Variants in NCOA6 observed in about 807,000 individuals in gnomAD.
NCOA6 encodes NRC RAP250.
NCOA6 carries 49 observed loss-of-function variants against 171.4 expected under a neutral mutation model. The ratio of observed to expected loss-of-function variants is 0.29; its 90% CI spans 0.23 to 0.36. The LOEUF is 0.36. NCOA6 is among the 10% of genes least tolerant of loss of function. NCOA6 has a pLI of 1.00. For missense variants in NCOA6, 2,248 were observed against 2,554.5 expected (o/e 0.88, Z 2.59); for synonymous variants, 910 against 927.5 (o/e 0.98, Z 0.34).
intron 8 of NCOA6, among the ~76,000 whole-genome samples, chr20:34,751,888 TTTTG>T (rs1165623599): frequency 1.3e-5 from 2 of 152,224 alleles, no homozygotes. Context: ...TTTTTTGTTG[TTTTG>T]TTTTTGAGAC....
intron 1 of NCOA6, among the ~76,000 whole-genome samples, chr20:34,802,895 G>A (rs2078303355): frequency 6.6e-6 from 1 of 152,036 alleles, no homozygotes; most frequent in Non-Finnish European, 1.5e-5. Flanking sequence ...GCTCAATGCA[G>A]CCAAGTGATC....
At chr20:34,812,596 C>T (rs886712626) in intron 1 of NCOA6, among the ~76,000 whole-genome samples, 5 of 151,756 alleles carry the variant, frequency 3.3e-5, no homozygotes, top group Admixed American at 2.0e-4. Flanking sequence ...TATTATAAAC[C>T]GTAAGTCAGA....
intron 14 of NCOA6, among the ~76,000 whole-genome samples, chr20:34,722,684 GA>G (rs112692497): frequency 0.16 from 14,821 of 90,500 alleles, 765 homozygotes; most frequent in African/African-American, 0.2. Flanking sequence ...TGTCTCAAAT[GA>G]AAAAAAAAAA....
intron 1 of NCOA6, among the ~76,000 whole-genome samples, chr20:34,810,412 G>C (rs1048271895): frequency 6.6e-6 from 1 of 152,104 alleles, no homozygotes; most frequent in African/African-American, 2.4e-5. Flanking sequence ...AGTATTACAA[G>C]TGAGAACTGC....
chr20:34,722,371 A>C (rs1600725950), intron 14 of NCOA6, among the ~76,000 whole-genome samples: 1 of 151,590 alleles, frequency 6.6e-6, no homozygotes, highest in Non-Finnish European at 1.5e-5. Flanking sequence ...ATGGAGTGAG[A>C]CTCCGTCTAA....
chr20:34,776,526 A>G, intron 3 of NCOA6, 78 bp from the exon 4 acceptor site: 1 of 1,499,026 alleles, frequency 6.7e-7, no homozygotes, highest in Non-Finnish European at 9.2e-7. Flanking sequence ...ACAAACCAAA[A>G]GAGCAAAAGA....
At chr20:34,768,418 A>G in intron 5 of NCOA6, 46 bp downstream of exon 5, 1 of 1,608,278 alleles carries the variant, frequency 6.2e-7, no homozygotes, top group Non-Finnish European at 8.5e-7. Flanking sequence ...AATAAGCCAA[A>G]AAAGGAAACT....
chr20:34,774,535 G>A (rs1464752116), intron 4 of NCOA6, among the ~76,000 whole-genome samples: 1 of 152,210 alleles, frequency 6.6e-6, no homozygotes, highest in Non-Finnish European at 1.5e-5. Context: ...ATGCTAGACT[G>A]CATAAAATGT....
chr20:34,790,258 A>G (rs2077828104), intron 2 of NCOA6, among the ~76,000 whole-genome samples: 1 of 152,116 alleles, frequency 6.6e-6, no homozygotes. Flanking sequence ...ACATGCTACA[A>G]CGGAGATAAA....
intron 9 of NCOA6, among the ~76,000 whole-genome samples, chr20:34,747,339 C>T (rs1254066436): frequency 3.3e-5 from 5 of 152,090 alleles, no homozygotes; most frequent in Admixed American, 1.3e-4. Context: ...GTGGATATAA[C>T]AGTGGGGGCT....
chr20:34,768,701 T>C, intron 4 of NCOA6, 115 bp from the exon 5 acceptor site: 1 of 1,242,124 alleles, frequency 8.1e-7, no homozygotes, highest in Non-Finnish European at 1.1e-6. Flanking sequence ...TATGGTTAGT[T>C]TACCACCAGA....
In NCOA6 at chr20:34,775,768, A is replaced by G. The variant is rs189584915; in HGVS notation, c.391+525T>C. ...TGAAGGCTTCATAATCTGTTAGACGAATAAAGAAAATACTAAAGTTTATTT... is the reference window on the plus strand; with the variant it reads ...TGAAGGCTTCATAATCTGTTAGACGGATAAAGAAAATACTAAAGTTTATTT... On this transcript the variant is annotated intron_variant, in intron 4 of 14. Coordinates refer to ENST00000359003, the MANE Select transcript of NCOA6 (RefSeq NM_014071.5). 2.0e-5 allele frequency among the ~76,000 whole-genome samples: 3 copies of G among 152,132 alleles called. No individual in the cohort carries two copies. In the East Asian group the frequency reaches 5.8e-4, roughly 29 times the overall value.
rs761993337 is a variant in NCOA6, at chr20:34,757,522, C to G, written c.1226G>C (p.Gly409Ala). The part of the protein sequence containing the change: ...FTAPQMKSLQ[G>A]GPSRVPTPLQ... ...GGGAGTTGGGACCCTAGAGGGCCCT[C>G]CCTGCAAACTCTTCATCTGAGGAGC... Residue 409 changes from glycine to alanine, a missense_variant, in exon 7 of 15, where the codon GGA (glycine) becomes GCA (alanine). Physicochemically the swap from Gly to Ala is moderately conservative, Grantham distance 60. Transcript: ENST00000359003. 6.2e-7 allele frequency: 1 copy of G among 1,613,938 alleles called. No individual in the cohort carries two copies. Among genetic ancestry groups the G allele is most frequent in the African/African-American group, 1.3e-5 (1 of 75,010 alleles).
chr20:34,753,170 T>G (rs919200182), intron 8 of NCOA6, among the ~76,000 whole-genome samples: 5 of 150,526 alleles, frequency 3.3e-5, no homozygotes, highest in African/African-American at 1.2e-4. Context: ...CTCAGCCTCT[T>G]AAGTAGCTGG....
At chr20:34,717,222 G>A (rs1174001396) in intron 14 of NCOA6, among the ~76,000 whole-genome samples, 9 of 152,146 alleles carry the variant, frequency 5.9e-5, no homozygotes, top group East Asian at 1.9e-4. Context: ...AGTCTGAGGC[G>A]GGTGGATCAC....
At chr20:34,804,860 T>C (rs1410687988) in intron 1 of NCOA6, among the ~76,000 whole-genome samples, 1 of 152,142 alleles carries the variant, frequency 6.6e-6, no homozygotes, top group Non-Finnish European at 1.5e-5. Flanking sequence ...TCCTCTCTTC[T>C]AGCTATTTGA....
chr20:34,778,345 TAG>T (rs1568836879), intron 3 of NCOA6, among the ~76,000 whole-genome samples: 1 of 152,022 alleles, frequency 6.6e-6, no homozygotes. Context: ...TCCAAAATCA[TAG>T]AAACAGATAG....
chr20:34,801,058 T>A (rs950882775), intron 1 of NCOA6, among the ~76,000 whole-genome samples: 1 of 152,178 alleles, frequency 6.6e-6, no homozygotes, highest in African/African-American at 2.4e-5. Context: ...AGTGAAATTT[T>A]GGAAACTATA....
Position 34,757,494 on chromosome 20 carries a change from C to G in NCOA6, c.1254G>C (p.Leu418Phe), listed in dbSNP as rs2076675525. Residue 418 changes from leucine (L) to phenylalanine (F), a missense_variant, in exon 7 of 15, where the codon TTG becomes TTC. Leu to Phe is a conservative substitution (Grantham distance 22). This residue lies in a region of NCOA6 where 987 missense variants were observed against 1,104.7 expected (regional missense o/e 0.89). Coordinates refer to ENST00000359003, the MANE Select transcript of NCOA6 (RefSeq NM_014071.5). ...QGGPSRVPTP[L>F]QQPHLTNKSP... The stretch of plus-strand genomic sequence containing the variant: ...ACTTGTTGGTGAGGTGGGGCTGCTG[C>G]AAGGGAGTTGGGACCCTAGAGGGCC... 2 of 1,613,890 alleles carry G rather than the reference C, an allele frequency of 1.2e-6. No individual in the cohort carries two copies. Among genetic ancestry groups the G allele is most frequent in the Non-Finnish European group, 1.7e-6 (2 of 1,179,892 alleles).
Sources: gnomAD v4.1 joint callset for allele counts (sites outside exome capture counted in the v4.1 genomes callset) on GRCh38, gnomAD v4.1.1 for gene constraint, gnomAD v4.1.1 regional missense constraint, MANE v1.5 for transcripts, NCBI Gene and HGNC (gene_info 2026-07-23, HGNC 2026-07-21) for gene names.